CIAO1: variants seen among roughly 807,000 people sequenced by gnomAD.
CIAO1 encodes the protein probable cytosolic iron-sulfur protein assembly protein CIAO1.
CIAO1 carries 32 observed loss-of-function variants against 43.1 expected under a neutral mutation model. That is an observed-to-expected ratio of 0.74 (90% CI 0.56 to 1.00). The LOEUF (loss-of-function observed/expected upper bound fraction) is 1.00, where lower values mean the gene tolerates loss of function less well. Among genes scored for constraint, CIAO1 ranks in the 50% least tolerant of loss-of-function variants. The probability of loss-of-function intolerance (pLI) is 0.00; values close to 1 mark genes in which losing one functional copy is unlikely to be tolerated. For missense variants in CIAO1, 415 were observed against 437.4 expected, an observed-to-expected ratio of 0.95 and a Z score of 0.46; for synonymous variants, 183 against 171.4, an observed-to-expected ratio of 1.07 and a Z score of -0.53.
intron 4 of CIAO1, 154 bp downstream of exon 4, chr2:96,268,078 G>T (rs1684473113): frequency 2.9e-6 from 2 of 699,724 alleles, no homozygotes; most frequent in Non-Finnish European, 4.9e-6. Flanking sequence ...ATCCGGCTGG[G>T]TGTGGTGGCT....
chr2:96,267,580 G>A, intron 2 of CIAO1, 45 bp from the exon 3 acceptor site: 2 of 1,609,608 alleles, frequency 1.2e-6, no homozygotes, highest in Non-Finnish European at 1.7e-6. Context: ...AGGGGCTTAG[G>A]GGTGTTAGCT....
intron 1 of CIAO1, among the ~76,000 whole-genome samples, 184 bp from the exon 2 acceptor site, chr2:96,267,134 CAAA>C (rs1183454827): frequency 8.1e-5 from 3 of 36,810 alleles, no homozygotes; most frequent in African/African-American, 2.6e-4. Flanking sequence ...AACTCCGTCT[CAAA>C]AAAAAAAAAA....
intron 4 of CIAO1, among the ~76,000 whole-genome samples, 162 bp from the exon 5 acceptor site, chr2:96,268,295 T>G (rs1027359440): frequency 6.6e-6 from 1 of 152,212 alleles, no homozygotes; most frequent in Non-Finnish European, 1.5e-5. Context: ...GGGGTTACGG[T>G]GAGCCGAGAT....
In CIAO1 at chr2:96,273,740, C is replaced by CTAT. The variant is rs1444007548; in HGVS notation, c.*2391_*2393dup. On this transcript the variant is annotated 3_prime_UTR_variant, in exon 7 of 7. Coordinates refer to ENST00000488633, the MANE Select transcript of CIAO1 (RefSeq NM_004804.3). ...GAATAGCCACAATTAGCTGAAAAGG[C>CTAT]TATTTTAAAAACTTTTCCAACTGCG... Among the ~76,000 whole-genome samples the CTAT allele has an allele frequency of 6.6e-6, 1 of 151,090 alleles. No homozygotes were observed. The highest frequency in any genetic ancestry group is 2.4e-5 in the African/African-American group (1 of 41,042).
At chr2:96,267,504 G>A in intron 2 of CIAO1, 35 bp downstream of exon 2, 1 of 1,612,108 alleles carries the variant, frequency 6.2e-7, no homozygotes, top group Non-Finnish European at 8.5e-7. Context: ...ATTATTGCCT[G>A]TTTCCTCCCC....
At position 96,266,542 on chromosome 2, in the gene CIAO1, G is replaced by GT. The variant is rs767200514; in HGVS notation, c.139+54dup. 5.0e-4 allele frequency: 673 copies of GT among 1,357,128 alleles called. 4 individuals carry two copies. Among genetic ancestry groups the GT allele is most frequent in the Non-Finnish European group, 6.1e-4 (639 of 1,041,826 alleles). The allele number at this position is 1,357,128 out of a possible 1,614,324, so 84.1% of individuals were successfully genotyped here. A position where few individuals can be genotyped will look rare whatever the true frequency, so the allele number is the denominator to read the frequency against. ...TCAGCGCTGAGGGCTCAGCCTGCGCGTAGTGCAGGCGCTCAGCCTGCAGGG... is the reference window on the plus strand; with the variant it reads ...TCAGCGCTGAGGGCTCAGCCTGCGCGTTAGTGCAGGCGCTCAGCCTGCAGGG... On this transcript the variant is annotated intron_variant, in intron 1 of 6. Transcript: ENST00000488633.
In CIAO1 at chr2:96,268,244, C is replaced by G. The variant is rs545401994; in HGVS notation, c.490-213C>G. ...GCACATGCCTGTAATCCCAGCTATT[C>G]GGGAGGCTGAGGCAGGAGAATCACT... On this transcript the variant is annotated intron_variant, in intron 4 of 6. Transcript: ENST00000488633. 5.3e-5 allele frequency among the ~76,000 whole-genome samples: 8 copies of G among 152,248 alleles called. No homozygotes were observed. The South Asian group carries it at 1.2e-3, about 24-fold the overall frequency.
chr2:96,272,586 G>C lies in CIAO1; in HGVS notation c.*1235G>C, dbSNP rs1002188770. On this transcript the variant is annotated 3_prime_UTR_variant, in exon 7 of 7. Transcript: ENST00000488633. ...AGCACTTTGGGAGGCTGAGGCGGGC[G>C]GATCACCTGAGGTCGGGAGTTCGAG... 1 of 152,316 alleles carries C rather than the reference G, an allele frequency of 6.6e-6. No homozygotes were observed. 9.4% of individuals were successfully genotyped at this position (152,316 alleles called of 1,614,324 possible). A position where few individuals can be genotyped will look rare whatever the true frequency, so the allele number is the denominator to read the frequency against.
At chr2:96,270,209 G>C (rs943183578) in intron 6 of CIAO1, among the ~76,000 whole-genome samples, 1 of 152,170 alleles carries the variant, frequency 6.6e-6, no homozygotes, top group African/African-American at 2.4e-5. Context: ...AAGGGGTTAA[G>C]AATACTTTAT....
intron 2 of CIAO1, 26 bp from the exon 3 acceptor site, chr2:96,267,599 T>C (rs185019790): frequency 1.2e-6 from 2 of 1,611,896 alleles, no homozygotes; most frequent in Non-Finnish European, 8.5e-7. Context: ...CTGCTGTTAA[T>C]TCTCATTTTC....
Position 96,272,848 on chromosome 2 carries a change from AT to A in CIAO1, c.*1499del, listed in dbSNP as rs1684580608. 2 of 152,200 alleles carry A rather than the reference AT, an allele frequency of 1.3e-5. No individual in the cohort carries two copies. The highest frequency in any genetic ancestry group is 6.5e-5 in the Admixed American group (1 of 15,276). 9.4% of individuals were successfully genotyped at this position (152,200 alleles called of 1,614,324 possible). A position where few individuals can be genotyped will look rare whatever the true frequency, so the allele number is the denominator to read the frequency against. On this transcript the variant is annotated 3_prime_UTR_variant, in exon 7 of 7. Coordinates refer to ENST00000488633, the MANE Select transcript of CIAO1 (RefSeq NM_004804.3). ...AAAGTTGACCTTGAGAATTTATAAT[AT>A]TCTGAGAAAACTGGAAGCATGCATA...
Position 96,267,620 on chromosome 2 carries a change from C to G in CIAO1, c.289-5C>G. On this transcript the variant is annotated splice_region_variant and splice_polypyrimidine_tract_variant and intron_variant, in intron 2 of 6. Coordinates refer to ENST00000488633, the MANE Select transcript of CIAO1 (RefSeq NM_004804.3). ...TTAATTCTCATTTTCTTTCCCCTTT[C>G]ACAGTGTGTAACCACTCTCGAGGGC... The G allele has an allele frequency of 6.2e-7, 1 of 1,613,634 alleles. No homozygotes were observed. Among genetic ancestry groups the G allele is most frequent in the South Asian group, 1.1e-5 (1 of 91,072 alleles).
chr2:96,270,908 CATA>C (rs1684537288), intron 6 of CIAO1, among the ~76,000 whole-genome samples, 200 bp from the exon 7 acceptor site: 1 of 151,432 alleles, frequency 6.6e-6, no homozygotes, highest in Non-Finnish European at 1.5e-5. Context: ...TTAGGATAAT[CATA>C]GTAGGGGAAA....
In CIAO1 at chr2:96,269,007, G is replaced by A. The variant is rs576056280; in HGVS notation, c.692-261G>A. The A allele has an allele frequency of 1.7e-4, 100 of 581,862 alleles. No homozygotes were observed. The African/African-American group carries it at 1.8e-3, about 10-fold the overall frequency. 36.0% of individuals were successfully genotyped at this position (581,862 alleles called of 1,614,324 possible). A position where few individuals can be genotyped will look rare whatever the true frequency, so the allele number is the denominator to read the frequency against. ...TTTGGAGAGGAATAAAGTGGGTTGG[G>A]TCGGCTGGTGGGTGGCCTTCACAGG... On this transcript the variant is annotated intron_variant, in intron 5 of 6. Transcript: ENST00000488633.
At position 96,271,360 on chromosome 2, in the gene CIAO1, G is replaced by T. The variant is rs373876864; in HGVS notation, c.*9G>T. The stretch of plus-strand genomic sequence containing the variant: ...GGCCTGAAGGCCTCTGAGCTACCTC[G>T]ACTTTGGACAGAGTAATGACTCCCC... On this transcript the variant is annotated 3_prime_UTR_variant, in exon 7 of 7. Coordinates refer to ENST00000488633, the MANE Select transcript of CIAO1 (RefSeq NM_004804.3). 6.2e-7 allele frequency: 1 copy of T among 1,612,336 alleles called. No individual in the cohort carries two copies. The highest frequency in any genetic ancestry group is 1.7e-5 in the Admixed American group (1 of 59,968).
Position 96,273,870 on chromosome 2 carries a change from G to A in CIAO1, c.*2519G>A, listed in dbSNP as rs1161744931. 6.6e-6 allele frequency among the ~76,000 whole-genome samples: 1 copy of A among 151,604 alleles called. No homozygotes were observed. Among genetic ancestry groups the A allele is most frequent in the Non-Finnish European group, 1.5e-5 (1 of 67,962 alleles). Reference sequence around the variant, plus strand: ...CAAGATACTAAAGAGACTGTAAAATGCCACCCTTCTCCTTGGATTGTTTTG... The same window carrying A: ...CAAGATACTAAAGAGACTGTAAAATACCACCCTTCTCCTTGGATTGTTTTG... On this transcript the variant is annotated 3_prime_UTR_variant, in exon 7 of 7. Transcript: ENST00000488633.
At position 96,266,406 on chromosome 2, in the gene CIAO1, G is replaced by C. The variant is rs199793823; in HGVS notation, c.56G>C (p.Cys19Ser). ...GRVPAHPDSR[C>S]WFLAWNPAGT... The stretch of plus-strand genomic sequence containing the variant: ...GTCCCGGCGCACCCGGACTCCCGCT[G>C]CTGGTTCCTGGCCTGGAACCCCGCG... Residue 19 changes from cysteine (C) to serine (S), a missense_variant, in exon 1 of 7, where the codon TGC (cysteine) becomes TCC (serine). Cys to Ser is a moderately radical substitution (Grantham distance 112). Transcript: ENST00000488633. 110 of 1,545,884 alleles carry C rather than the reference G, an allele frequency of 7.1e-5. No individual in the cohort carries two copies. In the East Asian group the frequency reaches 1.1e-3, roughly 16 times the overall value.
chr2:96,271,338 C>T lies in CIAO1; in HGVS notation c.1007C>T (p.Pro336Leu). ...GEVAFWKYQR[P>L]EGL ...GTGGCCTTCTGGAAGTATCAGCGGC[C>T]TGAAGGCCTCTGAGCTACCTCGACT... The change falls in exon 7 of 7, where the codon CCT (proline) becomes CTT (leucine). Residue 336 changes from proline to leucine, a missense_variant. Transcript: ENST00000488633. 1 of 1,613,918 alleles carries T rather than the reference C, an allele frequency of 6.2e-7. No individual in the cohort carries two copies. The highest frequency in any genetic ancestry group is 8.5e-7 in the Non-Finnish European group (1 of 1,179,998).
At chr2:96,268,686 G>T in intron 5 of CIAO1, 28 bp downstream of exon 5, 1 of 1,611,016 alleles carries the variant, frequency 6.2e-7, no homozygotes, top group South Asian at 1.1e-5. Context: ...AGCTAAAGAA[G>T]ACCCATCTCT....
Sources: gnomAD v4.1 joint callset for allele counts (sites outside exome capture counted in the v4.1 genomes callset) on GRCh38, gnomAD v4.1.1 for gene constraint, MANE v1.5 for transcripts, NCBI Gene and HGNC (gene_info 2026-07-23, HGNC 2026-07-21) for gene names.